The following ROBO2 variants were observed in gnomAD, a reference collection of about 807,000 sequenced individuals.
ROBO2 encodes roundabout homolog 2.
ROBO2 carries 53 observed loss-of-function variants against 160.8 expected under a neutral mutation model. The observed-to-expected ratio is 0.33, with a 90% confidence interval of 0.26 to 0.41. ROBO2 has a LOEUF of 0.41. Ranked by LOEUF, ROBO2 falls within the 10% of genes least tolerant of loss-of-function variation. The probability of loss-of-function intolerance (pLI) is 1.00; values close to 1 mark genes in which losing one functional copy is unlikely to be tolerated. For missense variants in ROBO2, 1,577 were observed against 1,722.4 expected (o/e 0.92, Z 1.49); for synonymous variants, 664 against 611.7 (o/e 1.09, Z -1.26).
intron 2 of ROBO2, among the ~76,000 whole-genome samples, chr3:76,133,657 C>T (rs2071318193): frequency 6.6e-6 from 1 of 152,158 alleles, no homozygotes; most frequent in East Asian, 1.9e-4. Context: ...GGTGTTAAGT[C>T]CAAGAGTCCA....
chr3:76,919,209 TAAATA>T (rs2076516783), intron 2 of ROBO2, among the ~76,000 whole-genome samples: 1 of 152,084 alleles, frequency 6.6e-6, no homozygotes, highest in African/African-American at 2.4e-5. Context: ...GTAAAATAAA[TAAATA>T]AAAAGAAAGT....
At chr3:76,020,408 G>A (rs375152172) in intron 2 of ROBO2, among the ~76,000 whole-genome samples, 18 of 151,452 alleles carry the variant, frequency 1.2e-4, no homozygotes, top group African/African-American at 2.4e-4. Flanking sequence ...TTCTTGCTTC[G>A]TATGTTCCTC....
chr3:76,640,065 G>A (rs1321152660), intron 2 of ROBO2, among the ~76,000 whole-genome samples: 4 of 152,102 alleles, frequency 2.6e-5, no homozygotes, highest in South Asian at 2.1e-4. Context: ...TGTACTTTCC[G>A]TACTAGACTT....
intron 2 of ROBO2, among the ~76,000 whole-genome samples, chr3:76,639,855 A>G (rs1661435690): frequency 6.6e-6 from 1 of 151,822 alleles, no homozygotes; most frequent in Admixed American, 6.5e-5. Context: ...GTCAATTCAT[A>G]AGAAAAATAA....
At chr3:76,130,114 G>A (rs989136751) in intron 2 of ROBO2, among the ~76,000 whole-genome samples, 1 of 151,944 alleles carries the variant, frequency 6.6e-6, no homozygotes, top group African/African-American at 2.4e-5. Context: ...TGGAGAGATG[G>A]GAATTTTCAT....
chr3:76,275,960 G>A (rs1039556993), intron 2 of ROBO2, among the ~76,000 whole-genome samples: 2 of 151,886 alleles, frequency 1.3e-5, no homozygotes, highest in African/African-American at 4.8e-5. Context: ...TTTAATGGAT[G>A]TTTTCATTTT....
chr3:76,792,727 A>G (rs548142665), intron 2 of ROBO2, among the ~76,000 whole-genome samples: 18 of 151,860 alleles, frequency 1.2e-4, no homozygotes, highest in African/African-American at 4.1e-4. Context: ...AAAGCAAAAA[A>G]CAACAACAAC....
intron 7 of ROBO2, among the ~76,000 whole-genome samples, chr3:77,547,870 G>A (rs1452896852): frequency 2.0e-5 from 3 of 151,990 alleles, no homozygotes; most frequent in Admixed American, 1.3e-4. Flanking sequence ...TTCTTTAACT[G>A]TTTGCTTTAA....
chr3:77,049,339 A>G (rs1457183909), intron 1 of ROBO2, among the ~76,000 whole-genome samples: 1 of 152,122 alleles, frequency 6.6e-6, no homozygotes, highest in African/African-American at 2.4e-5. Context: ...ACACACACTC[A>G]CACAAATTTA....
chr3:76,809,753 G>A (rs551855223), intron 2 of ROBO2, among the ~76,000 whole-genome samples: 2 of 152,104 alleles, frequency 1.3e-5, no homozygotes, highest in Non-Finnish European at 1.5e-5. Flanking sequence ...TTTTAAAGGA[G>A]GCATTCTTTT....
intron 19 of ROBO2, among the ~76,000 whole-genome samples, chr3:77,597,826 C>T (rs956158094): frequency 1.5e-4 from 23 of 151,886 alleles, no homozygotes; most frequent in African/African-American, 5.3e-4. Context: ...GTATAAAATA[C>T]GAGGAAGCAG....
intron 2 of ROBO2, among the ~76,000 whole-genome samples, chr3:76,106,069 G>T (rs1181061138): frequency 1.3e-5 from 2 of 152,094 alleles, no homozygotes; most frequent in African/African-American, 2.4e-5. Context: ...TAAGTTAAAT[G>T]ATCTCTCGAG....
chr3:76,798,485 A>G (rs947253376), intron 2 of ROBO2, among the ~76,000 whole-genome samples: 6 of 152,322 alleles, frequency 3.9e-5, no homozygotes, highest in South Asian at 4.1e-4. Flanking sequence ...AAGTCAGTCA[A>G]TGTGATACAT....
chr3:76,749,750 T>G (rs2093949608), intron 2 of ROBO2, among the ~76,000 whole-genome samples: 1 of 152,086 alleles, frequency 6.6e-6, no homozygotes, highest in Admixed American at 6.6e-5. Context: ...ATCAAAAACG[T>G]ATACTGAGAC....
At chr3:76,731,845 G>A (rs1418223475) in intron 2 of ROBO2, among the ~76,000 whole-genome samples, 1 of 152,122 alleles carries the variant, frequency 6.6e-6, no homozygotes, top group African/African-American at 2.4e-5. Context: ...AGAGAAGATG[G>A]GGTGATGTAA....
intron 2 of ROBO2, chr3:77,317,642 G>A: frequency 2.6e-6 from 1 of 377,572 alleles, no homozygotes; most frequent in Non-Finnish European, 4.7e-6. Context: ...CTCTGCGGGG[G>A]CTGCTGGTTG....
At chr3:76,437,408 A>G (rs2076732948) in intron 2 of ROBO2, among the ~76,000 whole-genome samples, 1 of 152,188 alleles carries the variant, frequency 6.6e-6, no homozygotes, top group African/African-American at 2.4e-5. Context: ...TGGATATTTG[A>G]AGGAAAGAAA....
chr3:76,650,880 TA>T (rs1413132450), intron 2 of ROBO2, among the ~76,000 whole-genome samples: 2 of 152,204 alleles, frequency 1.3e-5, no homozygotes, highest in Non-Finnish European at 2.9e-5. Context: ...AAGACGTTAA[TA>T]GTAGCTAAAG....
At chr3:76,871,509 C>G (rs1446971772) in intron 2 of ROBO2, among the ~76,000 whole-genome samples, 17 of 148,522 alleles carry the variant, frequency 1.1e-4, no homozygotes, top group South Asian at 2.1e-4. Flanking sequence ...AGCCGAGATC[C>G]CGCCACTGCA....
Sources: gnomAD v4.1 joint callset for allele counts (sites outside exome capture counted in the v4.1 genomes callset) on GRCh38, gnomAD v4.1.1 for gene constraint, MANE v1.5 for transcripts, NCBI Gene and HGNC (gene_info 2026-07-23, HGNC 2026-07-21) for gene names.